The following LRRC7 variants were observed in gnomAD, a reference collection of about 807,000 sequenced individuals.
LRRC7 encodes the protein leucine rich repeat containing 7.
In LRRC7, 23 loss-of-function variants were observed where a neutral mutation model predicts 175.7. That is an observed-to-expected ratio of 0.13 (90% CI 0.09 to 0.19). The LOEUF is 0.19. LRRC7 is among the 10% of genes least tolerant of loss of function. The pLI, the probability that LRRC7 is intolerant of heterozygous loss-of-function variation, is 1.00. For missense variants in LRRC7, 1,354 were observed against 1,904.7 expected, an observed-to-expected ratio of 0.71 and a Z score of 5.38; for synonymous variants, 685 against 680.9, an observed-to-expected ratio of 1.01 and a Z score of -0.09.
chr1:69,946,417 A>G (rs566217459), intron 8 of LRRC7, among the ~76,000 whole-genome samples: 3 of 152,222 alleles, frequency 2.0e-5, no homozygotes, highest in East Asian at 1.9e-4. Flanking sequence ...GTCCATTGGT[A>G]TACAGGGTTT....
chr1:69,979,898 C>T (rs558481620), intron 8 of LRRC7, among the ~76,000 whole-genome samples: 1 of 151,538 alleles, frequency 6.6e-6, no homozygotes, highest in African/African-American at 2.4e-5. Context: ...ATTATCTCAT[C>T]ACAGTTCTGT....
At chr1:69,952,669 A>G (rs547453305) in intron 8 of LRRC7, among the ~76,000 whole-genome samples, 1 of 152,166 alleles carries the variant, frequency 6.6e-6, no homozygotes, top group African/African-American at 2.4e-5. Flanking sequence ...AGAAGCATAC[A>G]TCTATAGTAA....
At chr1:69,966,783 G>A (rs959610824) in intron 8 of LRRC7, among the ~76,000 whole-genome samples, 10 of 152,332 alleles carry the variant, frequency 6.6e-5, no homozygotes, top group Middle Eastern at 3.4e-3. Context: ...TTAGAGAGCC[G>A]AGCAAAATAC....
At chr1:69,875,629 G>A (rs892039607) in intron 7 of LRRC7, among the ~76,000 whole-genome samples, 5 of 151,810 alleles carry the variant, frequency 3.3e-5, no homozygotes, top group African/African-American at 1.2e-4. Context: ...TTTATTCTAA[G>A]AGGAATTATG....
At chr1:69,664,585 A>C (rs1290508705) in intron 1 of LRRC7, among the ~76,000 whole-genome samples, 1 of 152,018 alleles carries the variant, frequency 6.6e-6, no homozygotes, top group African/African-American at 2.4e-5. Context: ...TCATATAATT[A>C]TTTGCCTTTT....
At chr1:69,738,610 G>A (rs1237656946) in intron 2 of LRRC7, among the ~76,000 whole-genome samples, 1 of 151,892 alleles carries the variant, frequency 6.6e-6, no homozygotes, top group Non-Finnish European at 1.5e-5. Context: ...GTATGAGCCC[G>A]TTGCTTAGGG....
At position 70,017,861 on chromosome 1, in the gene LRRC7, T is replaced by A. The variant is rs896855457; in HGVS notation, c.1321-858T>A. Among the ~76,000 whole-genome samples, 6 of 152,076 alleles carry A rather than the reference T, an allele frequency of 3.9e-5. 1 individual carries two copies. Among genetic ancestry groups the A allele is most frequent in the Admixed American group, 2.6e-4 (4 of 15,266 alleles). ...CTGGAATCAATGTGAACTATGCTAATGTAATAGTATATTCCACAGTATTGC... is the reference window on the plus strand; with the variant it reads ...CTGGAATCAATGTGAACTATGCTAAAGTAATAGTATATTCCACAGTATTGC... On this transcript the variant is annotated intron_variant, in intron 14 of 26. Coordinates refer to ENST00000651989, the MANE Select transcript of LRRC7 (RefSeq NM_001370785.2).
intron 7 of LRRC7, among the ~76,000 whole-genome samples, chr1:69,909,588 T>G (rs1023417835): frequency 2.6e-5 from 4 of 152,274 alleles, no homozygotes; most frequent in Non-Finnish European, 4.4e-5. Context: ...TAAACATGTT[T>G]AATATTGGCC....
chr1:69,579,794 CTTTTTT>C (rs71242784), intron 1 of LRRC7, among the ~76,000 whole-genome samples: 29 of 127,188 alleles, frequency 2.3e-4, no homozygotes, highest in East Asian at 2.1e-3. Context: ...TGAATAGAAG[CTTTTTT>C]TTTTTTTTTT....
At chr1:69,923,072 G>GT in intron 7 of LRRC7, among the ~76,000 whole-genome samples, 1 of 152,058 alleles carries the variant, frequency 6.6e-6, no homozygotes, top group Non-Finnish European at 1.5e-5. Flanking sequence ...GCGGTGTTTG[G>GT]TTTTTTGTCC....
Position 70,039,003 on chromosome 1 carries a change from C to A in LRRC7, c.3179C>A (p.Ser1060Tyr). 3 of 1,613,908 alleles carry A rather than the reference C, an allele frequency of 1.9e-6. No individual in the cohort carries two copies. The highest frequency in any genetic ancestry group is 2.5e-6 in the Non-Finnish European group (3 of 1,179,966). ...AAGGGGCCACAACAACAAAAAGCTT[C>A]TATGACAAAAAAAGTCTATCAGTTT... ...SSKGPQQQKA[S>Y]MTKKVYQFDQ... The change falls in exon 21 of 27, where the codon TCT becomes TAT. Residue 1060 changes from serine (S) to tyrosine (Y), a missense_variant. Coordinates refer to ENST00000651989, the MANE Select transcript of LRRC7 (RefSeq NM_001370785.2).
At position 70,134,663 on chromosome 1, in the gene LRRC7, A is replaced by G. The variant is rs1188879284; in HGVS notation, c.*12776A>G. On this transcript the variant is annotated 3_prime_UTR_variant, in exon 27 of 27. Coordinates refer to ENST00000651989, the MANE Select transcript of LRRC7 (RefSeq NM_001370785.2). The stretch of plus-strand genomic sequence containing the variant: ...TTCCTTCTAGCCACATGATCACCAG[A>G]TACTAATACAGAATACTCTTTCTTA... Among the ~76,000 whole-genome samples the G allele has an allele frequency of 2.6e-5, 4 of 152,234 alleles. No individual in the cohort carries two copies. Among genetic ancestry groups the G allele is most frequent in the African/African-American group, 7.2e-5 (3 of 41,458 alleles).
intron 1 of LRRC7, among the ~76,000 whole-genome samples, chr1:69,602,966 A>G (rs1647141200): frequency 6.6e-6 from 1 of 152,230 alleles, no homozygotes; most frequent in African/African-American, 2.4e-5. Flanking sequence ...TATGCGATCT[A>G]GGTTTGTGTG....
At chr1:69,628,984 A>G (rs1351718773) in intron 1 of LRRC7, among the ~76,000 whole-genome samples, 5 of 152,100 alleles carry the variant, frequency 3.3e-5, no homozygotes, top group African/African-American at 1.2e-4. Flanking sequence ...TGGATTATAG[A>G]CCTAAAGGTA....
At chr1:69,742,762 A>G (rs914105569) in intron 2 of LRRC7, among the ~76,000 whole-genome samples, 1 of 152,044 alleles carries the variant, frequency 6.6e-6, no homozygotes, top group Non-Finnish European at 1.5e-5. Flanking sequence ...AAATATAATT[A>G]TATTAGTGCC....
chr1:69,801,868 C>T (rs147368232), intron 4 of LRRC7, among the ~76,000 whole-genome samples: 95 of 150,544 alleles, frequency 6.3e-4, no homozygotes, highest in African/African-American at 2.2e-3. Context: ...ACTTCCCTCC[C>T]TCTTAGTACT....
chr1:69,785,454 G>A (rs1394600488), intron 3 of LRRC7, among the ~76,000 whole-genome samples: 1 of 152,026 alleles, frequency 6.6e-6, no homozygotes, highest in Non-Finnish European at 1.5e-5. Context: ...CTGACAGTCT[G>A]TTTCTTAATT....
intron 2 of LRRC7, among the ~76,000 whole-genome samples, chr1:69,725,405 A>G (rs1310448115): frequency 6.6e-6 from 1 of 152,178 alleles, no homozygotes; most frequent in Non-Finnish European, 1.5e-5. Flanking sequence ...TTCATATCCT[A>G]CTGAAAGTAT....
chr1:69,760,227 T>C lies in LRRC7; in HGVS notation c.137T>C (p.Ile46Thr). ...CLEMTTKRKI[I>T]GRLVPCRCFR... ...GAGATGACCACCAAACGGAAAATCA[T>C]CGGCCGTCTGGTGCCATGCCGATGT... The change falls in exon 3 of 27, where the codon ATC becomes ACC. Residue 46 changes from isoleucine (I) to threonine (T), a missense_variant. Physicochemically the swap from Ile to Thr is moderately conservative, Grantham distance 89 (BLOSUM62 -1). Coordinates refer to ENST00000651989, the MANE Select transcript of LRRC7 (RefSeq NM_001370785.2). 6.2e-7 allele frequency: 1 copy of C among 1,612,796 alleles called. No individual in the cohort carries two copies. Among genetic ancestry groups the C allele is most frequent in the Non-Finnish European group, 8.5e-7 (1 of 1,179,250 alleles).
Sources: gnomAD v4.1 joint callset for allele counts (sites outside exome capture counted in the v4.1 genomes callset) on GRCh38, gnomAD v4.1.1 for gene constraint, MANE v1.5 for transcripts, NCBI Gene and HGNC (gene_info 2026-07-23, HGNC 2026-07-21) for gene names.